The following PLSCR5 variants were observed in gnomAD, a reference collection of about 807,000 sequenced individuals.
PLSCR5 encodes the protein phospholipid scramblase family, member 5.
Under a neutral mutation model 33.6 loss-of-function variants are expected in PLSCR5, and 44 were observed. That is an observed-to-expected ratio of 1.31 (90% CI 1.03 to 1.69). The LOEUF (loss-of-function observed/expected upper bound fraction) is 1.69. PLSCR5 is among the 40% of genes most tolerant of loss of function. The pLI, the probability that PLSCR5 is intolerant of heterozygous loss-of-function variation, is 0.00. For missense variants in PLSCR5, 375 were observed against 318.7 expected (o/e 1.18, Z -1.34); for synonymous variants, 148 against 112.3 (o/e 1.32, Z -2.01).
Position 146,605,182 on chromosome 3 carries a change from G to A in PLSCR5, c.13+18C>T. 1 of 1,602,440 alleles carries A rather than the reference G, an allele frequency of 6.2e-7. No homozygotes were observed. ...TTAATATAAGAAAAAGTTATTAGTT[G>A]GTTATATTTACTCTTACCTTTAGAG... On this transcript the variant is annotated intron_variant, in intron 1 of 7. Coordinates refer to ENST00000443512, the MANE Select transcript of PLSCR5 (RefSeq NM_001085420.2).
intron 7 of PLSCR5, among the ~76,000 whole-genome samples, chr3:146,579,640 T>C (rs528807896): frequency 2.0e-5 from 3 of 152,236 alleles, no homozygotes; most frequent in Non-Finnish European, 4.4e-5. Flanking sequence ...AAAGATATTG[T>C]TTTGTTCCTC....
chr3:146,587,570 T>C (rs773847143), intron 6 of PLSCR5, among the ~76,000 whole-genome samples: 1 of 151,908 alleles, frequency 6.6e-6, no homozygotes, highest in African/African-American at 2.4e-5. Flanking sequence ...GAAGTCAGAA[T>C]GATCAAAGAT....
intron 6 of PLSCR5, among the ~76,000 whole-genome samples, chr3:146,588,358 C>G (rs1299631486): frequency 1.3e-5 from 2 of 152,068 alleles, no homozygotes; most frequent in Non-Finnish European, 1.5e-5. Context: ...GTAATCCCAG[C>G]TACTCGGGAG....
chr3:146,581,128 G>C (rs1560104470), downstream of PLSCR5, among the ~76,000 whole-genome samples: 1 of 152,154 alleles, frequency 6.6e-6, no homozygotes. Flanking sequence ...ATTCCTAAGG[G>C]TCAGCCAGTC....
chr3:146,593,802 C>T (rs12107668), intron 4 of PLSCR5, 118 bp downstream of exon 4: 244,907 of 918,338 alleles, frequency 0.27, 33,460 homozygotes, highest in African/African-American at 0.36. Context: ...GAGCAACATA[C>T]TATTAATAAT....
chr3:146,603,620 A>C (rs1253822996), intron 1 of PLSCR5, among the ~76,000 whole-genome samples: 1 of 152,152 alleles, frequency 6.6e-6, no homozygotes, highest in Non-Finnish European at 1.5e-5. Flanking sequence ...TCAGACAACC[A>C]GATGAAGAAG....
chr3:146,577,750 C>T (rs2044607917), intron 7 of PLSCR5, among the ~76,000 whole-genome samples: 1 of 152,038 alleles, frequency 6.6e-6, no homozygotes, highest in Non-Finnish European at 1.5e-5. Context: ...CTTCTACACA[C>T]AAAATTGATG....
chr3:146,604,770 A>G (rs1164949112), intron 1 of PLSCR5, among the ~76,000 whole-genome samples: 6 of 152,056 alleles, frequency 3.9e-5, no homozygotes, highest in African/African-American at 7.2e-5. Context: ...TATACCTACT[A>G]TGTACCCACA....
At chr3:146,597,059 A>G (rs939792082) in intron 2 of PLSCR5, among the ~76,000 whole-genome samples, 6 of 152,190 alleles carry the variant, frequency 3.9e-5, no homozygotes, top group Non-Finnish European at 8.8e-5. Flanking sequence ...AGCAAAAGTA[A>G]CTTAGAAATG....
chr3:146,597,450 T>G (rs1414630206), intron 2 of PLSCR5, among the ~76,000 whole-genome samples: 1 of 152,180 alleles, frequency 6.6e-6, no homozygotes, highest in East Asian at 1.9e-4. Flanking sequence ...ACGCTAAATT[T>G]AAGGGAAATA....
intron 6 of PLSCR5, among the ~76,000 whole-genome samples, chr3:146,588,729 A>G (rs1276683786): frequency 3.3e-5 from 5 of 152,204 alleles, no homozygotes. Flanking sequence ...AGATAATAGC[A>G]TTGAATCAGT....
chr3:146,594,421 C>T (rs1021643499), intron 3 of PLSCR5, among the ~76,000 whole-genome samples: 2 of 151,954 alleles, frequency 1.3e-5, no homozygotes, highest in Non-Finnish European at 2.9e-5. Context: ...AGGACAAATG[C>T]TTTAAAGAAT....
intron 1 of PLSCR5, among the ~76,000 whole-genome samples, chr3:146,604,450 TTC>T (rs1419741143): frequency 2.0e-5 from 3 of 152,118 alleles, no homozygotes; most frequent in Admixed American, 1.3e-4. Context: ...AGCAGATATT[TTC>T]TGTTTGTTTT....
intron 7 of PLSCR5, among the ~76,000 whole-genome samples, chr3:146,579,856 G>A (rs2044622066): frequency 1.3e-5 from 2 of 152,190 alleles, no homozygotes; most frequent in Admixed American, 1.3e-4. Flanking sequence ...GCCTAAGAGA[G>A]TCTGACCTCA....
At chr3:146,591,432 T>C (rs2044713045) in intron 5 of PLSCR5, among the ~76,000 whole-genome samples, 1 of 152,040 alleles carries the variant, frequency 6.6e-6, no homozygotes, top group Non-Finnish European at 1.5e-5. Flanking sequence ...TATAGTAAAA[T>C]TTATTAATAT....
chr3:146,594,437 A>G (rs2044741849), intron 3 of PLSCR5, among the ~76,000 whole-genome samples: 2 of 152,234 alleles, frequency 1.3e-5, no homozygotes, highest in East Asian at 3.9e-4. Context: ...AGAATAATTT[A>G]TAGCTCAAAA....
rs548302268 is a variant in PLSCR5 at position 146,599,075 on chromosome 3, A to G, written c.189+1213T>C. 6.9e-4 allele frequency among the ~76,000 whole-genome samples: 105 copies of G among 152,346 alleles called. 1 individual carries two copies. Among genetic ancestry groups the G allele is most frequent in the African/African-American group, 2.5e-3 (102 of 41,588 alleles). On this transcript the variant is annotated intron_variant, in intron 2 of 7. Transcript: ENST00000443512. ...TTGCAGCAGATGTGCTGACATCTCA[A>G]TATTAGTGTAATTGTACTTCTAATC... is the stretch of plus-strand genomic sequence containing the variant.
Position 146,605,316 on chromosome 3 carries a change from G to T in PLSCR5, c.-104C>A, listed in dbSNP as rs1037116140. ...CGCAGCATGCACAAAACTTCAGAACGTGTTTGTCTGCCTCTTGTCAGCTTA... is the reference window on the plus strand; with the variant it reads ...CGCAGCATGCACAAAACTTCAGAACTTGTTTGTCTGCCTCTTGTCAGCTTA... On this transcript the variant is annotated 5_prime_UTR_variant, in exon 1 of 8. Transcript: ENST00000443512. 9 of 1,585,376 alleles carry T rather than the reference G, an allele frequency of 5.7e-6. No individual in the cohort carries two copies. The highest frequency in any genetic ancestry group is 2.6e-6 in the Non-Finnish European group (3 of 1,165,166).
chr3:146,586,566 G>A (rs1191682705), intron 6 of PLSCR5, among the ~76,000 whole-genome samples: 2 of 152,096 alleles, frequency 1.3e-5, no homozygotes, highest in Non-Finnish European at 2.9e-5. Context: ...TAATGGATAC[G>A]AATATTTGAA....
Sources: gnomAD v4.1 joint callset for allele counts (sites outside exome capture counted in the v4.1 genomes callset) on GRCh38, gnomAD v4.1.1 for gene constraint, MANE v1.5 for transcripts, NCBI Gene and HGNC (gene_info 2026-07-23, HGNC 2026-07-21) for gene names.